The following FILIP1 variants were observed in gnomAD, a reference collection of about 807,000 sequenced individuals.
FILIP1 encodes filamin-A-interacting protein 1.
Under a neutral mutation model 102.1 loss-of-function variants are expected in FILIP1, and 61 were observed. The ratio of observed to expected loss-of-function variants is 0.60; its 90% CI spans 0.49 to 0.74. The LOEUF is 0.74. Among genes scored for constraint, FILIP1 ranks in the 30% least tolerant of loss-of-function variants. The pLI, the probability that FILIP1 is intolerant of heterozygous loss-of-function variation, is 0.00. For synonymous variants in FILIP1, 491 were observed against 526.9 expected, an observed-to-expected ratio of 0.93 and a Z score of 0.93; for missense variants, 1,314 against 1,441.2, an observed-to-expected ratio of 0.91 and a Z score of 1.43.
rs550539064 is a variant in FILIP1 at position 75,327,547 on chromosome 6, T to C, written c.630-12345A>G. 2.1e-5 allele frequency among the ~76,000 whole-genome samples: 3 copies of C among 143,634 alleles called. No homozygotes were observed. The South Asian group carries it at 6.6e-4, about 32-fold the overall frequency. The allele number at this position is 143,634 out of a possible 152,430, so 94.2% of individuals were successfully genotyped here. ...TTTTTTGTGTGTGAATATATATATA[T>C]GAATATATATATATAAGTATATATG... On this transcript the variant is annotated intron_variant, in intron 4 of 5. Coordinates refer to ENST00000237172, the MANE Select transcript of FILIP1 (RefSeq NM_015687.5).
chr6:75,400,598 G>GA (rs1311287107), intron 2 of FILIP1, among the ~76,000 whole-genome samples: 1 of 152,128 alleles, frequency 6.6e-6, no homozygotes, highest in African/African-American at 2.4e-5. Flanking sequence ...AGAGGGTAGG[G>GA]ACCTTTCTGA....
chr6:75,383,123 T>G (rs1775957582), intron 2 of FILIP1, among the ~76,000 whole-genome samples: 1 of 152,120 alleles, frequency 6.6e-6, no homozygotes, highest in South Asian at 2.1e-4. Context: ...CTGTGGGGAA[T>G]GATGGACACT....
chr6:75,305,106 G>A (rs1480924518), downstream of FILIP1, among the ~76,000 whole-genome samples: 1 of 152,106 alleles, frequency 6.6e-6, no homozygotes, highest in African/African-American at 2.4e-5. Flanking sequence ...CCAATGATGA[G>A]ACCCTAAAGA....
At chr6:75,456,016 T>C (rs1043835450) in intron 1 of FILIP1, among the ~76,000 whole-genome samples, 1 of 152,212 alleles carries the variant, frequency 6.6e-6, no homozygotes, top group African/African-American at 2.4e-5. Flanking sequence ...TCACCTAAAA[T>C]GCTCTCCATC....
intron 2 of FILIP1, among the ~76,000 whole-genome samples, chr6:75,384,328 C>G (rs569571319): frequency 6.6e-6 from 1 of 152,156 alleles, no homozygotes; most frequent in Non-Finnish European, 1.5e-5. Context: ...TCTGATTTGT[C>G]CTGCTCCTTG....
chr6:75,417,821 C>A (rs1777320453), intron 1 of FILIP1, among the ~76,000 whole-genome samples: 1 of 152,196 alleles, frequency 6.6e-6, no homozygotes, highest in African/African-American at 2.4e-5. Context: ...ACCCACTATA[C>A]AGCTTTCCTT....
chr6:75,376,806 A>G (rs1775767450), intron 2 of FILIP1, among the ~76,000 whole-genome samples: 1 of 152,044 alleles, frequency 6.6e-6, no homozygotes, highest in Admixed American at 6.6e-5. Context: ...ACCACTAGCA[A>G]CTCTGTGTCA....
At chr6:75,358,711 A>ATTTATTTTAT (rs1562497953) in intron 3 of FILIP1, 2 of 146,952 alleles carry the variant, frequency 1.4e-5, no homozygotes, top group African/African-American at 5.2e-5. Context: ...TATTTATTTA[A>ATTTATTTTAT]TTTTTTAATT....
chr6:75,334,658 C>T (rs1166881915), intron 4 of FILIP1: 1 of 152,142 alleles, frequency 6.6e-6, no homozygotes, highest in Non-Finnish European at 1.5e-5. Context: ...TACTAGGAAG[C>T]ATAGTAGCTT....
intron 1 of FILIP1, chr6:75,455,319 T>C (rs563675271): frequency 2.6e-5 from 4 of 151,386 alleles, no homozygotes; most frequent in African/African-American, 9.7e-5. Context: ...GTAAATCAAT[T>C]GCCCAGGCCC....
chr6:75,296,475 T>TTTTTTATTATTATTATTA (rs565379089), intron 6 of FILIP1: 2 of 140,396 alleles, frequency 1.4e-5, no homozygotes, highest in African/African-American at 5.3e-5. Flanking sequence ...ACTCTATATG[T>TTTTTTATTATTATTATTA]TTATTATTAT....
chr6:75,377,150 T>C (rs1775775804), intron 2 of FILIP1, among the ~76,000 whole-genome samples: 1 of 152,146 alleles, frequency 6.6e-6, no homozygotes, highest in Admixed American at 6.5e-5. Flanking sequence ...GCACAAAAAT[T>C]AGAAATGTTA....
rs1431475453 is a variant in FILIP1, at chr6:75,488,848, A to T, written c.-7+4566T>A. The stretch of plus-strand genomic sequence containing the variant: ...TACACATACACACACATCTTATGAG[A>T]TAACACTTTTTGTTTGTCTTGGAAT... On this transcript the variant is annotated intron_variant, in intron 1 of 5. Coordinates refer to ENST00000237172, the MANE Select transcript of FILIP1 (RefSeq NM_015687.5). Among the ~76,000 whole-genome samples, 5 of 152,170 alleles carry T rather than the reference A, an allele frequency of 3.3e-5. No homozygotes were observed. The East Asian group carries it at 9.6e-4, about 29-fold the overall frequency.
At chr6:75,353,831 T>C in intron 3 of FILIP1, 114 bp from the exon 4 acceptor site, 2 of 1,004,020 alleles carry the variant, frequency 2.0e-6, no homozygotes, top group African/African-American at 1.6e-5. Context: ...GAACAGTGAG[T>C]CTGGTATTCA....
At chr6:75,426,247 G>A (rs1297234875) in intron 1 of FILIP1, among the ~76,000 whole-genome samples, 1 of 151,900 alleles carries the variant, frequency 6.6e-6, no homozygotes, top group Non-Finnish European at 1.5e-5. Flanking sequence ...CTGAAAATAA[G>A]AGAGAAGAAA....
intron 1 of FILIP1, among the ~76,000 whole-genome samples, chr6:75,440,549 C>T (rs192914637): frequency 5.6e-4 from 85 of 152,342 alleles, no homozygotes; most frequent in African/African-American, 1.9e-3. Context: ...GCAAGATTGA[C>T]TTCCTGTGTT....
chr6:75,464,787 G>T (rs139507597), intron 1 of FILIP1, among the ~76,000 whole-genome samples: 1 of 152,052 alleles, frequency 6.6e-6, no homozygotes, highest in Non-Finnish European at 1.5e-5. Context: ...GGTCTTACCC[G>T]CTATCTGGTC....
intron 4 of FILIP1, among the ~76,000 whole-genome samples, chr6:75,327,322 C>T (rs1773896962): frequency 6.6e-6 from 1 of 152,244 alleles, no homozygotes; most frequent in Admixed American, 6.5e-5. Context: ...CCACCATCAT[C>T]TCTTATCTGG....
At chr6:75,406,404 T>C (rs1373063912) in intron 2 of FILIP1, among the ~76,000 whole-genome samples, 2 of 152,180 alleles carry the variant, frequency 1.3e-5, no homozygotes, top group African/African-American at 2.4e-5. Context: ...AAAGTCCAAA[T>C]TTTTAGTGAA....
Sources: allele counts gnomAD v4.1 joint callset (sites outside exome capture counted in the v4.1 genomes callset), GRCh38; gene constraint gnomAD v4.1.1; transcripts MANE v1.5; gene names NCBI Gene and HGNC (gene_info 2026-07-23, HGNC 2026-07-21).